Variants in TSHZ3 observed in about 807,000 individuals in gnomAD.
TSHZ3 encodes the protein teashirt zinc finger homeobox 3, also known as teashirt homolog 3.
In TSHZ3, 10 loss-of-function variants were observed where a neutral mutation model predicts 64.5. That is an observed-to-expected ratio of 0.16 (90% CI 0.10 to 0.26). The LOEUF is 0.26. TSHZ3 is among the 10% of genes least tolerant of loss of function. The pLI, the probability that TSHZ3 is intolerant of heterozygous loss-of-function variation, is 1.00. For missense variants in TSHZ3, 1,242 were observed against 1,421.7 expected (o/e 0.87, Z 2.03); for synonymous variants, 608 against 593.1 (o/e 1.03, Z -0.36).
chr19:31,259,362 C>A (rs1196344758), intron 1 of TSHZ3, among the ~76,000 whole-genome samples: 1 of 152,096 alleles, frequency 6.6e-6, no homozygotes, highest in Admixed American at 6.6e-5. Flanking sequence ...CTTTTTCAAT[C>A]CCTTTATTTT....
chr19:31,269,846 G>A (rs918578683), intron 1 of TSHZ3, among the ~76,000 whole-genome samples: 1 of 152,174 alleles, frequency 6.6e-6, no homozygotes, highest in African/African-American at 2.4e-5. Flanking sequence ...GGCTTCAAAG[G>A]CCAGGACAGA....
intron 1 of TSHZ3, among the ~76,000 whole-genome samples, chr19:31,249,511 G>A (rs890366176): frequency 2.0e-5 from 3 of 151,450 alleles, no homozygotes; most frequent in Non-Finnish European, 4.4e-5. Flanking sequence ...ACACACACAT[G>A]CGCGCCCGCA....
intron 1 of TSHZ3, among the ~76,000 whole-genome samples, chr19:31,304,215 T>C (rs1976802852): frequency 6.6e-6 from 1 of 152,204 alleles, no homozygotes; most frequent in Non-Finnish European, 1.5e-5. Context: ...CCTCGTGATC[T>C]GCCTGCCTCG....
chr19:31,176,008 C>G (rs1012267964), intron 5 of TSHZ3, among the ~76,000 whole-genome samples: 1 of 152,194 alleles, frequency 6.6e-6, no homozygotes, highest in Non-Finnish European at 1.5e-5. Flanking sequence ...AGGAAGGGAA[C>G]CCATGAGGGG....
intron 1 of TSHZ3, among the ~76,000 whole-genome samples, chr19:31,288,693 C>T (rs569461378): frequency 6.6e-6 from 1 of 152,318 alleles, no homozygotes; most frequent in East Asian, 1.9e-4. Flanking sequence ...CAGGTAAGCA[C>T]CACCATGCTA....
chr19:31,203,726 G>A (rs1389530199), intron 5 of TSHZ3, among the ~76,000 whole-genome samples: 1 of 152,044 alleles, frequency 6.6e-6, no homozygotes, highest in African/African-American at 2.4e-5. Flanking sequence ...GGGTGGTAAG[G>A]CAGGCTTTAG....
intron 5 of TSHZ3, among the ~76,000 whole-genome samples, chr19:31,203,836 C>T (rs1975122974): frequency 6.6e-6 from 1 of 151,738 alleles, no homozygotes; most frequent in Non-Finnish European, 1.5e-5. Flanking sequence ...CCTCTCTTCT[C>T]TCCTTCCTTC....
chr19:31,349,462 A>G, upstream of TSHZ3: 1 of 296,796 alleles, frequency 3.4e-6, no homozygotes. Context: ...AGGCTCGGGG[A>G]GGGAGGAGCA....
intron 1 of TSHZ3, among the ~76,000 whole-genome samples, chr19:31,287,357 C>T (rs1976480725): frequency 6.6e-6 from 1 of 152,196 alleles, no homozygotes; most frequent in East Asian, 1.9e-4. Flanking sequence ...TTCCGCATGT[C>T]TTCTTATTAC....
intron 1 of TSHZ3, among the ~76,000 whole-genome samples, chr19:31,269,415 C>T (rs1976103248): frequency 6.6e-6 from 1 of 151,980 alleles, no homozygotes; most frequent in Non-Finnish European, 1.5e-5. Context: ...AAGAAAATGA[C>T]TCCTTCCCGA....
exon 3 of TSHZ3, among the ~76,000 whole-genome samples, chr19:31,242,398 C>A (rs1344577858): frequency 1.3e-5 from 2 of 152,212 alleles, no homozygotes; most frequent in Admixed American, 1.3e-4. Flanking sequence ...AGCTTGAAGT[C>A]TGAGGCCAAA....
intron 1 of TSHZ3, among the ~76,000 whole-genome samples, chr19:31,316,361 C>T (rs760957003): frequency 6.6e-6 from 1 of 152,206 alleles, no homozygotes; most frequent in Admixed American, 6.5e-5. Flanking sequence ...GAAGACGGCA[C>T]CTCTAAAGTC....
intron 1 of TSHZ3, among the ~76,000 whole-genome samples, chr19:31,344,827 A>C (rs992646157): frequency 2.0e-5 from 3 of 152,178 alleles, no homozygotes; most frequent in Non-Finnish European, 2.9e-5. Context: ...CATTCTAATC[A>C]CTTGACAAAA....
chr19:31,341,686 C>T (rs1453911464), intron 1 of TSHZ3, among the ~76,000 whole-genome samples: 1 of 151,270 alleles, frequency 6.6e-6, no homozygotes, highest in African/African-American at 2.4e-5. Context: ...TTCCCACAGT[C>T]CCACACCATA....
intron 1 of TSHZ3, among the ~76,000 whole-genome samples, chr19:31,262,425 C>T (rs1449000067): frequency 6.6e-6 from 1 of 152,008 alleles, no homozygotes; most frequent in Admixed American, 6.6e-5. Context: ...CGAAGAGCTC[C>T]CCCCTCCCAC....
intron 1 of TSHZ3, among the ~76,000 whole-genome samples, chr19:31,347,069 C>T (rs534720713): frequency 2.0e-5 from 3 of 152,012 alleles, no homozygotes; most frequent in Non-Finnish European, 4.4e-5. Flanking sequence ...GAAACAAAGT[C>T]GTTTTGACGG....
chr19:31,288,091 C>T (rs1177858846), intron 1 of TSHZ3, among the ~76,000 whole-genome samples: 3 of 151,902 alleles, frequency 2.0e-5, no homozygotes, highest in Non-Finnish European at 4.4e-5. Context: ...CTAGATACCT[C>T]GCCAGGATAA....
At chr19:31,199,592 T>C (rs1975046387) in intron 5 of TSHZ3, among the ~76,000 whole-genome samples, 1 of 149,518 alleles carries the variant, frequency 6.7e-6, no homozygotes, top group Admixed American at 6.7e-5. Context: ...TTCCCCCAAA[T>C]GAATTTGAAA....
intron 1 of TSHZ3, among the ~76,000 whole-genome samples, chr19:31,332,175 G>A (rs745827236): frequency 8.6e-5 from 13 of 152,004 alleles, no homozygotes; most frequent in African/African-American, 7.3e-5. Flanking sequence ...GTGTGTTCCC[G>A]GCCTCCTGAC....
Sources: gnomAD v4.1 joint callset for allele counts (sites outside exome capture counted in the v4.1 genomes callset) on GRCh38, gnomAD v4.1.1 for gene constraint, MANE v1.5 for transcripts, NCBI Gene and HGNC (gene_info 2026-07-23, HGNC 2026-07-21) for gene names.